The following FRMD4A variants were observed in gnomAD, a reference collection of about 807,000 sequenced individuals.
FRMD4A encodes FERM domain-containing protein 4A.
FRMD4A carries 29 observed loss-of-function variants against 129.1 expected under a neutral mutation model. The observed-to-expected ratio is 0.22, with a 90% CI of 0.17 to 0.31. The LOEUF (loss-of-function observed/expected upper bound fraction) is 0.31, where lower values mean the gene tolerates loss of function less well. FRMD4A is among the 10% of genes least tolerant of loss of function. The pLI is 1.00. For synonymous variants in FRMD4A, 634 were observed against 571.6 expected, an observed-to-expected ratio of 1.11 and a Z score of -1.56; for missense variants, 1,272 against 1,375.8, an observed-to-expected ratio of 0.92 and a Z score of 1.19.
At position 13,973,977 on chromosome 10, in the gene FRMD4A, T is replaced by C. The variant is rs113199218; in HGVS notation, c.46-115065A>G. ...TGGAGATCTTGGCTGTGAACCAGAC[T>C]CTTATCCAAAGCATGTAATTATGGA... On this transcript the variant is annotated intron_variant, in intron 2 of 24. Transcript: ENST00000357447. 8.6e-3 allele frequency among the ~76,000 whole-genome samples: 1,308 copies of C among 151,816 alleles called. 6 individuals are homozygous for C. Among genetic ancestry groups the C allele is most frequent in the Non-Finnish European group, 0.015 (990 of 67,924 alleles).
At chr10:14,086,632 A>G (rs1465222351) in intron 2 of FRMD4A, among the ~76,000 whole-genome samples, 1 of 152,222 alleles carries the variant, frequency 6.6e-6, no homozygotes, top group Non-Finnish European at 1.5e-5. Context: ...GCCCTCCTTA[A>G]CCAGGGTACG....
At chr10:13,820,246 T>G (rs143175711) in intron 3 of FRMD4A, among the ~76,000 whole-genome samples, 3 of 152,186 alleles carry the variant, frequency 2.0e-5, no homozygotes, top group African/African-American at 7.2e-5. Context: ...AGGAAACTCA[T>G]ACACCCTCAG....
intron 2 of FRMD4A, among the ~76,000 whole-genome samples, chr10:14,253,015 T>C (rs989522): frequency 0.021 from 3,147 of 152,344 alleles, 111 homozygotes; most frequent in African/African-American, 0.071. Context: ...TATAACCTTT[T>C]ATTATACATA....
intron 2 of FRMD4A, among the ~76,000 whole-genome samples, chr10:14,244,034 C>G (rs112425335): frequency 6.6e-6 from 1 of 152,182 alleles, no homozygotes; most frequent in African/African-American, 2.4e-5. Context: ...TAACAATTGA[C>G]TTTGGGATAT....
intron 2 of FRMD4A, among the ~76,000 whole-genome samples, chr10:14,085,513 G>A (rs1223621985): frequency 6.6e-6 from 1 of 152,174 alleles, no homozygotes; most frequent in African/African-American, 2.4e-5. Flanking sequence ...CAGGGAGGAC[G>A]CATTCTCATC....
intron 12 of FRMD4A, among the ~76,000 whole-genome samples, chr10:13,708,338 A>G (rs1340924713): frequency 6.6e-6 from 1 of 152,180 alleles, no homozygotes; most frequent in Non-Finnish European, 1.5e-5. Context: ...GGACACTGCT[A>G]GTCAATGGTT....
At chr10:14,099,216 G>T (rs1837168398) in intron 2 of FRMD4A, among the ~76,000 whole-genome samples, 1 of 152,162 alleles carries the variant, frequency 6.6e-6, no homozygotes, top group Non-Finnish European at 1.5e-5. Flanking sequence ...CATACCCATG[G>T]TTCAGCTTTC....
At chr10:13,650,556 C>CATACCGGGGGAGAAAA (rs2134429053) in intron 24 of FRMD4A, among the ~76,000 whole-genome samples, 1 of 152,298 alleles carries the variant, frequency 6.6e-6, no homozygotes, top group South Asian at 2.1e-4. Context: ...ATCGCCCTCC[C>CATACCGGGGGAGAAAA]ATACCGGGGG....
chr10:14,226,319 A>G (rs375042211), intron 2 of FRMD4A, among the ~76,000 whole-genome samples: 26 of 152,144 alleles, frequency 1.7e-4, no homozygotes, highest in African/African-American at 6.3e-4. Flanking sequence ...TGGACCATTC[A>G]ACAGCTCACT....
intron 6 of FRMD4A, among the ~76,000 whole-genome samples, chr10:13,772,486 C>T (rs907224298): frequency 6.6e-6 from 1 of 152,134 alleles, no homozygotes; most frequent in Non-Finnish European, 1.5e-5. Flanking sequence ...ACAACTCTGA[C>T]TGGACAGAGG....
At chr10:14,089,574 A>G (rs1179691512) in intron 2 of FRMD4A, among the ~76,000 whole-genome samples, 1 of 151,362 alleles carries the variant, frequency 6.6e-6, no homozygotes, top group Non-Finnish European at 1.5e-5. Flanking sequence ...TTGGCCCTGA[A>G]ACACCTTATT....
At chr10:13,771,085 AT>A (rs371608829) in intron 6 of FRMD4A, among the ~76,000 whole-genome samples, 29 of 151,332 alleles carry the variant, frequency 1.9e-4, no homozygotes, top group African/African-American at 5.8e-4. Context: ...CTTAAACTCC[AT>A]TTTTTTTTAA....
chr10:13,970,458 T>TA (rs2095511056), intron 2 of FRMD4A, among the ~76,000 whole-genome samples: 1 of 152,144 alleles, frequency 6.6e-6, no homozygotes, highest in African/African-American at 2.4e-5. Context: ...ACGGGTGGTT[T>TA]AGCCAGTGCG....
intron 3 of FRMD4A, among the ~76,000 whole-genome samples, chr10:13,838,956 A>T (rs1264851486): frequency 6.6e-6 from 1 of 150,412 alleles, no homozygotes; most frequent in Non-Finnish European, 1.5e-5. Flanking sequence ...GCAATGATTA[A>T]TATGACTTTA....
intron 2 of FRMD4A, among the ~76,000 whole-genome samples, chr10:14,297,708 C>T (rs1846053614): frequency 6.6e-6 from 1 of 152,128 alleles, no homozygotes. Context: ...ACATATGAGG[C>T]AGAGGACCTG....
rs1387703820 is a variant in FRMD4A, at chr10:13,644,941, A to G, written c.*2097T>C. On this transcript the variant is annotated 3_prime_UTR_variant, in exon 25 of 25. Transcript: ENST00000357447. ...GGTGTACACTTAAAGCGTTCTGGGA[A>G]TATGAATCCCTTCTGCACCCTGGAA... The G allele has an allele frequency of 6.6e-6, 1 of 152,282 alleles. No individual in the cohort carries two copies. Among genetic ancestry groups the G allele is most frequent in the Non-Finnish European group, 1.5e-5 (1 of 68,054 alleles). 9.4% of individuals were successfully genotyped at this position (152,282 alleles called of 1,614,324 possible).
intron 2 of FRMD4A, among the ~76,000 whole-genome samples, chr10:14,284,752 T>C (rs1281221776): frequency 6.6e-6 from 1 of 152,240 alleles, no homozygotes; most frequent in Non-Finnish European, 1.5e-5. Flanking sequence ...TGTGGTACTA[T>C]ATGCATTGGT....
intron 3 of FRMD4A, among the ~76,000 whole-genome samples, chr10:13,856,653 GAAGA>G (rs1303353417): frequency 6.6e-6 from 1 of 152,142 alleles, no homozygotes; most frequent in African/African-American, 2.4e-5. Flanking sequence ...CGTGTTCTAG[GAAGA>G]GAGAATAACA....
intron 3 of FRMD4A, among the ~76,000 whole-genome samples, chr10:13,843,150 C>G (rs1471943422): frequency 1.3e-5 from 2 of 152,148 alleles, no homozygotes; most frequent in Non-Finnish European, 2.9e-5. Context: ...CATGCAGTAC[C>G]AAGTATGCAG....
Sources: allele counts gnomAD v4.1 joint callset (sites outside exome capture counted in the v4.1 genomes callset), GRCh38; gene constraint gnomAD v4.1.1; transcripts MANE v1.5; gene names NCBI Gene and HGNC (gene_info 2026-07-23, HGNC 2026-07-21).